RORC: variants seen among roughly 807,000 people sequenced by gnomAD.
The protein encoded by RORC is nuclear receptor ROR-gamma.
Under a neutral mutation model 64.5 loss-of-function variants are expected in RORC, and 13 were observed. That is an observed-to-expected ratio of 0.20 (90% confidence interval 0.13 to 0.32). RORC has a LOEUF of 0.32. Ranked by LOEUF, RORC falls within the 10% of genes least tolerant of loss-of-function variation. The pLI is 1.00. For synonymous variants in RORC, 277 were observed against 259.3 expected (o/e 1.07, Z -0.65); for missense variants, 468 against 669.5 (o/e 0.70, Z 3.32).
Position 151,816,914 on chromosome 1 carries a change from G to C in RORC, c.157-109C>G, listed in dbSNP as rs969257158. 2.5e-6 allele frequency: 3 copies of C among 1,196,610 alleles called. No individual in the cohort carries two copies. In the African/African-American group the frequency reaches 4.7e-5, roughly 19 times the overall value. 74.1% of individuals were successfully genotyped at this position (1,196,610 alleles called of 1,614,324 possible). On this transcript the variant is annotated intron_variant, in intron 3 of 10. Coordinates refer to ENST00000318247, the MANE Select transcript of RORC (RefSeq NM_005060.4). ...GCAGCTTTTCTACATCCCACGACCT[G>C]TCAGTTTTCTCTCTCCTCCATCTAT... is the stretch of plus-strand genomic sequence containing the variant.
At chr1:151,814,207 G>A (rs556382628) in intron 6 of RORC, 19 of 210,300 alleles carry the variant, frequency 9.0e-5, no homozygotes, top group African/African-American at 1.4e-4. Flanking sequence ...TACATAAAGC[G>A]TTTAGCACAA....
chr1:151,819,826 G>C (rs919639161), intron 2 of RORC, among the ~76,000 whole-genome samples: 11 of 152,088 alleles, frequency 7.2e-5, no homozygotes, highest in African/African-American at 2.7e-4. Context: ...AAATACCCAT[G>C]TTTGGGCGAC....
chr1:151,818,782 G>A (rs1052784598), intron 2 of RORC, among the ~76,000 whole-genome samples: 2 of 152,212 alleles, frequency 1.3e-5, no homozygotes. Context: ...GAGGGCGAAT[G>A]CACATTGCTG....
At chr1:151,816,386 G>A (rs1157028112) in intron 4 of RORC, among the ~76,000 whole-genome samples, 1 of 152,232 alleles carries the variant, frequency 6.6e-6, no homozygotes, top group South Asian at 2.1e-4. Flanking sequence ...GCAGAGTGAG[G>A]AGAATTCGTT....
intron 10 of RORC, among the ~76,000 whole-genome samples, chr1:151,809,369 G>A (rs1651433315): frequency 6.6e-6 from 1 of 152,154 alleles, no homozygotes; most frequent in African/African-American, 2.4e-5. Context: ...ACTCCAGCCT[G>A]GGCGACAGAG....
Position 151,807,370 on chromosome 1 carries a change from A to G in RORC, c.*102T>C. Reference sequence around the variant, plus strand: ...CACTTCCAAAGAGCTGGTGGGGACCACCCTCCAGGGTTCATGGGAAAGGAA... The same window carrying G: ...CACTTCCAAAGAGCTGGTGGGGACCGCCCTCCAGGGTTCATGGGAAAGGAA... On this transcript the variant is annotated 3_prime_UTR_variant, in exon 11 of 11. Coordinates refer to ENST00000318247, the MANE Select transcript of RORC (RefSeq NM_005060.4). The surrounding 1 kb of genome is among the most constrained non-coding windows in gnomAD (Gnocchi z 5.0). The G allele has an allele frequency of 8.1e-7, 1 of 1,237,774 alleles. No individual in the cohort carries two copies. The allele number at this position is 1,237,774 out of a possible 1,614,324, so 76.7% of individuals were successfully genotyped here.
chr1:151,810,222 T>G (rs923116608), intron 10 of RORC, among the ~76,000 whole-genome samples: 1 of 152,282 alleles, frequency 6.6e-6, no homozygotes, highest in East Asian at 1.9e-4. Context: ...GAAAAGGATT[T>G]TTTTTCATTT....
chr1:151,819,032 CAGCCACACG>C (rs2101664934), intron 2 of RORC, among the ~76,000 whole-genome samples: 1 of 152,330 alleles, frequency 6.6e-6, no homozygotes, highest in South Asian at 2.1e-4. Flanking sequence ...ACCCAACCCC[CAGCCACACG>C]TGCCTGCCCA....
At position 151,815,302 on chromosome 1, in the gene RORC, G is replaced by A. The variant is rs201494136; in HGVS notation, c.422C>T (p.Ala141Val). Residue 141 changes from alanine to valine, a missense_variant, in exon 5 of 11, where the codon GCC (alanine) becomes GTC (valine). Coordinates refer to ENST00000318247, the MANE Select transcript of RORC (RefSeq NM_005060.4). ...GTAGGTGAGGGTATCTGCTCCTTGG[G>A]CCCCTGCTGGAGGGGTCTTGACCAC... is the stretch of plus-strand genomic sequence containing the variant. ...EPVVKTPPAGAQGADTLTYTL... is the reference protein window; with the variant it reads ...EPVVKTPPAGVQGADTLTYTL... The A allele has an allele frequency of 4.5e-5, 72 of 1,608,788 alleles. No homozygotes were observed. Among genetic ancestry groups the A allele is most frequent in the Non-Finnish European group, 5.0e-5 (59 of 1,176,746 alleles).
intron 6 of RORC, chr1:151,814,177 G>C (rs1332081683): frequency 5.4e-6 from 1 of 183,978 alleles, no homozygotes; most frequent in Non-Finnish European, 1.1e-5. Context: ...GGTTGGTTGT[G>C]GTAGGGGCTG....
chr1:151,817,858 C>T (rs903744422), intron 2 of RORC, among the ~76,000 whole-genome samples: 23 of 152,210 alleles, frequency 1.5e-4, no homozygotes, highest in African/African-American at 2.7e-4. Flanking sequence ...ACCCAGGAAA[C>T]GGGGGCTCAA....
chr1:151,813,437 C>T lies in RORC; in HGVS notation c.1066+51G>A, dbSNP rs758481339. 4 of 1,611,808 alleles carry T rather than the reference C, an allele frequency of 2.5e-6. No homozygotes were observed. In the African/African-American group the frequency reaches 5.3e-5, roughly 22 times the overall value. Reference sequence around the variant, plus strand: ...CTGATTTCCTTAAGCCACCTCCCTCCACTTGGCTCTGTCCCCTTGTCCCCA... The same window carrying T: ...CTGATTTCCTTAAGCCACCTCCCTCTACTTGGCTCTGTCCCCTTGTCCCCA... On this transcript the variant is annotated intron_variant, in intron 7 of 10. Coordinates refer to ENST00000318247, the MANE Select transcript of RORC (RefSeq NM_005060.4).
At chr1:151,810,698 A>AT (rs1002027095) in intron 10 of RORC, among the ~76,000 whole-genome samples, 3 of 151,888 alleles carry the variant, frequency 2.0e-5, no homozygotes, top group Non-Finnish European at 2.9e-5. Context: ...TGCCTGGCTA[A>AT]TTTTTTTTAT....
At chr1:151,822,966 A>C (rs1260074113) in intron 2 of RORC, among the ~76,000 whole-genome samples, 1 of 152,204 alleles carries the variant, frequency 6.6e-6, no homozygotes, top group Non-Finnish European at 1.5e-5. Context: ...TTGAGTCAGC[A>C]GCACAGCGGC....
intron 2 of RORC, among the ~76,000 whole-genome samples, chr1:151,824,491 G>A (rs1652114711): frequency 6.6e-6 from 1 of 152,206 alleles, no homozygotes; most frequent in Admixed American, 6.5e-5. Context: ...AGCTAGAAGG[G>A]AAACGGAAGC....
rs771506694 is a variant in RORC, at chr1:151,813,360, A to C, written c.1067-14T>G. ...CTTCCATTGCTCCTGGGCAGTGGGG[A>C]GAGAAGATGCAGGGACAGTGTCAAG... On this transcript the variant is annotated splice_polypyrimidine_tract_variant and intron_variant, in intron 7 of 10. Transcript: ENST00000318247. 13 of 1,611,614 alleles carry C rather than the reference A, an allele frequency of 8.1e-6. No homozygotes were observed. The East Asian group carries it at 2.7e-4, about 33-fold the overall frequency.
Position 151,815,278 on chromosome 1 carries a change from T to C in RORC, c.446A>G (p.Tyr149Cys). 1 of 1,610,284 alleles carries C rather than the reference T, an allele frequency of 6.2e-7. No homozygotes were observed. Among genetic ancestry groups the C allele is most frequent in the Non-Finnish European group, 8.5e-7 (1 of 1,177,512 alleles). The change falls in exon 5 of 11, where the codon TAC (tyrosine) becomes TGC (cysteine). Residue 149 changes from tyrosine to cysteine, a missense_variant. Physicochemically the swap from Tyr to Cys is radical, Grantham distance 194 (BLOSUM62 -2). Transcript: ENST00000318247. ...CTGCCCGTCTGGGAGCCCCAAGGTG[T>C]AGGTGAGGGTATCTGCTCCTTGGGC... ...AGAQGADTLT[Y>C]TLGLPDGQLP...
At chr1:151,808,110 C>T (rs1482348706) in intron 10 of RORC, among the ~76,000 whole-genome samples, 1 of 152,206 alleles carries the variant, frequency 6.6e-6, no homozygotes, top group Non-Finnish European at 1.5e-5. Context: ...CTGTGTAGCA[C>T]TTACTACATT....
chr1:151,813,157 T>G (rs1651605882), intron 8 of RORC, 82 bp downstream of exon 8: 1 of 1,494,390 alleles, frequency 6.7e-7, no homozygotes, highest in Admixed American at 1.7e-5. Flanking sequence ...CAATTCGCCC[T>G]GAAAAGAGGG....
Sources: allele counts gnomAD v4.1 joint callset (sites outside exome capture counted in the v4.1 genomes callset), GRCh38; gene constraint gnomAD v4.1.1; non-coding constraint Gnocchi (gnomAD v3.1); transcripts MANE v1.5; gene names NCBI Gene and HGNC (gene_info 2026-07-23, HGNC 2026-07-21).